Variants in CATSPERB observed in about 807,000 individuals in gnomAD.
The protein encoded by CATSPERB is catsper channel auxiliary subunit beta, also known as cation channel sperm-associated auxiliary subunit beta.
CATSPERB carries 93 observed loss-of-function variants against 128.3 expected under a neutral mutation model. The observed-to-expected ratio is 0.72, with a 90% CI of 0.61 to 0.86. The LOEUF is 0.86. Among genes scored for constraint, CATSPERB ranks in the 40% least tolerant of loss-of-function variants. The pLI is 0.00. For missense variants in CATSPERB, 1,153 were observed against 1,329.5 expected (o/e 0.87, Z 2.06); for synonymous variants, 381 against 448.8 (o/e 0.85, Z 1.91).
Position 91,636,472 on chromosome 14 carries a change from G to A in CATSPERB, c.1695C>T (p.Tyr565=). The A allele has an allele frequency of 6.2e-7, 1 of 1,614,062 alleles. No individual in the cohort carries two copies. The highest frequency in any genetic ancestry group is 8.5e-7 in the Non-Finnish European group (1 of 1,179,988). ...VPENEPQETI[Y]SKKFGNIHYG... is the part of the protein sequence containing the mutation. ...AGTGTATATTGCCGAACTTCTTGCT[G>A]TAGATCGTTTCCTGGGGTTCGTTCT... Residue 565 remains tyrosine (Y), a synonymous_variant, in exon 17 of 27, where the codon TAC becomes TAT. Coordinates refer to ENST00000256343, the MANE Select transcript of CATSPERB (RefSeq NM_024764.4).
intron 11 of CATSPERB, among the ~76,000 whole-genome samples, chr14:91,679,170 G>C (rs1895239853): frequency 6.6e-6 from 1 of 152,086 alleles, no homozygotes; most frequent in Admixed American, 6.6e-5. Context: ...TATGATGTGG[G>C]AAAACATGTT....
chr14:91,706,388 A>T (rs17184096), intron 6 of CATSPERB, among the ~76,000 whole-genome samples: 6,068 of 152,330 alleles, frequency 0.04, 148 homozygotes, highest in Middle Eastern at 0.065. Flanking sequence ...ACCACTGGAC[A>T]TCACGGAGCT....
chr14:91,723,514 T>C (rs1315846072), intron 3 of CATSPERB, among the ~76,000 whole-genome samples: 1 of 152,188 alleles, frequency 6.6e-6, no homozygotes. Flanking sequence ...AGCAACTATA[T>C]AAAGCAAAGC....
intron 21 of CATSPERB, among the ~76,000 whole-genome samples, 167 bp downstream of exon 21, chr14:91,610,313 C>CA: frequency 6.6e-6 from 1 of 152,256 alleles, no homozygotes. Context: ...AAAGCTTTTA[C>CA]AGCTTAGAAA....
chr14:91,661,525 A>T (rs1212682288), intron 14 of CATSPERB, among the ~76,000 whole-genome samples: 1 of 8,374 alleles, frequency 1.2e-4, no homozygotes, highest in Non-Finnish European at 3.3e-4. Context: ...AGATGCTATC[A>T]TATATATATA....
At chr14:91,613,679 C>T (rs1350814273) in intron 20 of CATSPERB, among the ~76,000 whole-genome samples, 1 of 152,196 alleles carries the variant, frequency 6.6e-6, no homozygotes, top group African/African-American at 2.4e-5. Context: ...ACAATGGCAA[C>T]TTCTGGCCTC....
At chr14:91,592,256 C>A in intron 22 of CATSPERB, 2 of 457,020 alleles carry the variant, frequency 4.4e-6, no homozygotes, top group Non-Finnish European at 7.9e-6. Flanking sequence ...TTGCATGGGA[C>A]CTAGAAAGCC....
intron 6 of CATSPERB, among the ~76,000 whole-genome samples, chr14:91,707,573 T>C (rs987749398): frequency 1.5e-5 from 2 of 133,186 alleles, no homozygotes; most frequent in African/African-American, 5.5e-5. Context: ...AATATGTACT[T>C]CCTTTTTTTT....
chr14:91,616,553 G>C (rs1464380736), intron 20 of CATSPERB, among the ~76,000 whole-genome samples: 1 of 151,946 alleles, frequency 6.6e-6, no homozygotes, highest in Non-Finnish European at 1.5e-5. Flanking sequence ...CCTCTTAGAT[G>C]CTAGGAGTTT....
intron 22 of CATSPERB, among the ~76,000 whole-genome samples, chr14:91,602,528 C>T (rs575501980): frequency 2.6e-5 from 4 of 151,922 alleles, no homozygotes; most frequent in African/African-American, 9.7e-5. Flanking sequence ...CACGAGAGTA[C>T]ATAAGAGAGA....
At chr14:91,654,685 C>T (rs1458609041) in intron 15 of CATSPERB, among the ~76,000 whole-genome samples, 1 of 152,160 alleles carries the variant, frequency 6.6e-6, no homozygotes, top group Non-Finnish European at 1.5e-5. Context: ...ACTCACTGCC[C>T]TGAAGGGAAG....
intron 16 of CATSPERB, among the ~76,000 whole-genome samples, chr14:91,637,078 C>T (rs1050540646): frequency 5.3e-5 from 8 of 152,180 alleles, no homozygotes; most frequent in Non-Finnish European, 1.0e-4. Flanking sequence ...GCAGTCTACC[C>T]AGGCACTTCT....
chr14:91,722,153 G>A (rs1896045879), intron 4 of CATSPERB, among the ~76,000 whole-genome samples: 1 of 152,158 alleles, frequency 6.6e-6, no homozygotes, highest in Non-Finnish European at 1.5e-5. Context: ...GTCAAACATG[G>A]AGTTATCATA....
intron 22 of CATSPERB, among the ~76,000 whole-genome samples, chr14:91,602,008 T>C (rs1030495481): frequency 1.3e-5 from 2 of 152,186 alleles, no homozygotes. Context: ...TAAAATTAAA[T>C]GTCTTAGTCA....
intron 2 of CATSPERB, among the ~76,000 whole-genome samples, chr14:91,726,365 T>C (rs570605323): frequency 6.6e-6 from 1 of 152,200 alleles, no homozygotes; most frequent in Non-Finnish European, 1.5e-5. Context: ...CCCATCTGCA[T>C]GCTCCCCATC....
At chr14:91,610,902 T>C (rs192836941) in intron 20 of CATSPERB, among the ~76,000 whole-genome samples, 5 of 152,216 alleles carry the variant, frequency 3.3e-5, no homozygotes, top group Non-Finnish European at 4.4e-5. Context: ...GATTAGGATA[T>C]AGACAACACA....
Position 91,608,326 on chromosome 14 carries a change from G to A in CATSPERB, c.2677C>T (p.Pro893Ser), listed in dbSNP as rs1476487355. ...DNFYHADPSK[P>S]IPRNMFHMSK... ...ATGTGAAACATGTTTCTTGGTATGG[G>A]TTTGCTAGGATCTGCATGATAAAAA... Residue 893 changes from proline (P) to serine (S), a missense_variant, in exon 22 of 27, where the codon CCC (proline) becomes TCC (serine). By Grantham distance (74) the Pro-to-Ser change is moderately conservative. Coordinates refer to ENST00000256343, the MANE Select transcript of CATSPERB (RefSeq NM_024764.4). 2 of 1,611,252 alleles carry A rather than the reference G, an allele frequency of 1.2e-6. No individual in the cohort carries two copies. Among genetic ancestry groups the A allele is most frequent in the South Asian group, 1.1e-5 (1 of 90,938 alleles).
At chr14:91,592,047 G>A (rs760041982) in intron 22 of CATSPERB, 45 bp from the exon 23 acceptor site, 20 of 1,191,658 alleles carry the variant, frequency 1.7e-5, no homozygotes, top group Admixed American at 8.6e-5. Context: ...TCTGCGTTGC[G>A]GGATTTCTGC....
rs10684529 is a variant in CATSPERB at position 91,649,362 on chromosome 14, T to TGTGTGTGTAG, written c.1433-10113_1433-10112insCTACACACAC. Among the ~76,000 whole-genome samples the TGTGTGTGTAG allele has an allele frequency of 9.4e-3, 1,400 of 149,714 alleles. 16 individuals carry two copies. The highest frequency in any genetic ancestry group is 0.031 in the African/African-American group (1,241 of 40,672). Reference sequence around the variant, plus strand: ...GTGTGTGTGTGTGTGTGTGTGTGTGTAGAGATTGTTGCCCCGGCTGGTCTT... The same window carrying TGTGTGTGTAG: ...GTGTGTGTGTGTGTGTGTGTGTGTGTGTGTGTGTAGAGAGATTGTTGCCCCGGCTGGTCTT... On this transcript the variant is annotated intron_variant, in intron 15 of 26. Transcript: ENST00000256343.
Sources: allele counts gnomAD v4.1 joint callset (sites outside exome capture counted in the v4.1 genomes callset), GRCh38; gene constraint gnomAD v4.1.1; transcripts MANE v1.5; gene names NCBI Gene and HGNC (gene_info 2026-07-23, HGNC 2026-07-21).